TFCP2: variants seen among roughly 807,000 people sequenced by gnomAD.
TFCP2 encodes alpha-globin transcription factor CP2.
Under a neutral mutation model 73.4 loss-of-function variants are expected in TFCP2, and 33 were observed. The ratio of observed to expected loss-of-function variants is 0.45; its 90% confidence interval spans 0.34 to 0.60. The LOEUF (loss-of-function observed/expected upper bound fraction) is 0.60, where lower values mean the gene tolerates loss of function less well. Ranked by LOEUF, TFCP2 falls within the 20% of genes least tolerant of loss-of-function variation. TFCP2 has a pLI of 0.01. For missense variants in TFCP2, 352 were observed against 604.0 expected, an observed-to-expected ratio of 0.58 and a Z score of 4.37; for synonymous variants, 193 against 211.6, an observed-to-expected ratio of 0.91 and a Z score of 0.76.
intron 1 of TFCP2, among the ~76,000 whole-genome samples, chr12:51,159,605 A>T (rs1174692119): frequency 6.6e-6 from 1 of 152,014 alleles, no homozygotes; most frequent in Non-Finnish European, 1.5e-5. Context: ...GGCGTGAGCC[A>T]CCGTGCCTGG....
At chr12:51,168,328 C>T (rs1941794813) in intron 1 of TFCP2, among the ~76,000 whole-genome samples, 1 of 152,066 alleles carries the variant, frequency 6.6e-6, no homozygotes, top group Non-Finnish European at 1.5e-5. Context: ...ACTGCTTGAG[C>T]TCAGGAATTC....
chr12:51,098,293 A>T (rs1407986669), intron 13 of TFCP2, among the ~76,000 whole-genome samples: 1 of 152,198 alleles, frequency 6.6e-6, no homozygotes, highest in East Asian at 1.9e-4. Flanking sequence ...AAAAAATTTT[A>T]AGTCAACCTA....
chr12:51,099,027 C>T, intron 12 of TFCP2, 109 bp from the exon 13 acceptor site: 1 of 1,220,566 alleles, frequency 8.2e-7, no homozygotes, highest in South Asian at 1.5e-5. Context: ...AATCACACTG[C>T]CTAAGTTCAA....
At position 51,101,943 on chromosome 12, in the gene TFCP2, T is replaced by A; in HGVS notation, c.1143A>T (p.Leu381Phe). The A allele has an allele frequency of 6.2e-7, 1 of 1,607,496 alleles. No individual in the cohort carries two copies. Among genetic ancestry groups the A allele is most frequent in the Non-Finnish European group, 8.5e-7 (1 of 1,174,200 alleles). ...PADGIRLFNA[L>F]KGRMVRPRLT... The stretch of plus-strand genomic sequence containing the variant: ...TAACACTAATTACATACCGGCCTTT[T>A]AATGCATTAAAAAGTCTGATTCCAT... Residue 381 changes from leucine (L) to phenylalanine (F), a missense_variant, in exon 11 of 15, where the codon TTA becomes TTT. Leu to Phe is a conservative substitution (Grantham distance 22). This residue lies in a region of TFCP2 where 194 missense variants were observed against 256.3 expected (regional missense o/e 0.76). Coordinates refer to ENST00000257915, the MANE Select transcript of TFCP2 (RefSeq NM_005653.5).
At chr12:51,133,086 T>A (rs1468683745) in intron 1 of TFCP2, among the ~76,000 whole-genome samples, 1 of 151,462 alleles carries the variant, frequency 6.6e-6, no homozygotes, top group Non-Finnish European at 1.5e-5. Context: ...ATAGTAATGG[T>A]GAATATGCAA....
intron 3 of TFCP2, among the ~76,000 whole-genome samples, chr12:51,117,464 G>T (rs1940557537): frequency 6.6e-6 from 1 of 152,144 alleles, no homozygotes; most frequent in African/African-American, 2.4e-5. Flanking sequence ...TATTTCTGCA[G>T]CTCTGAAAAA....
intron 1 of TFCP2, among the ~76,000 whole-genome samples, chr12:51,151,371 AC>A (rs1428831211): frequency 6.6e-6 from 1 of 152,206 alleles, no homozygotes; most frequent in African/African-American, 2.4e-5. Flanking sequence ...AAACAGGTAC[AC>A]CTTGGTGAGT....
At chr12:51,096,377 T>C (rs1939966033) in intron 13 of TFCP2, among the ~76,000 whole-genome samples, 1 of 152,222 alleles carries the variant, frequency 6.6e-6, no homozygotes, top group Non-Finnish European at 1.5e-5. Context: ...ATATGTGCTC[T>C]TTCCTAAAAC....
chr12:51,099,568 C>T, intron 12 of TFCP2, 87 bp downstream of exon 12: 2 of 1,494,548 alleles, frequency 1.3e-6, no homozygotes, highest in Non-Finnish European at 9.2e-7. Context: ...ACTAAATCTG[C>T]TGTTTGATAG....
chr12:51,123,009 A>G (rs1477763246), intron 1 of TFCP2, among the ~76,000 whole-genome samples: 1 of 152,200 alleles, frequency 6.6e-6, no homozygotes, highest in East Asian at 1.9e-4. Flanking sequence ...TTCAACCTCT[A>G]TGAATGTAGG....
intron 4 of TFCP2, among the ~76,000 whole-genome samples, chr12:51,116,075 A>T (rs1164059118): frequency 1.3e-5 from 2 of 152,254 alleles, no homozygotes; most frequent in Non-Finnish European, 2.9e-5. Context: ...ACCACAACTT[A>T]AAAAACAACA....
intron 1 of TFCP2, among the ~76,000 whole-genome samples, chr12:51,169,682 C>T (rs1292394389): frequency 6.6e-6 from 1 of 152,126 alleles, no homozygotes; most frequent in African/African-American, 2.4e-5. Context: ...GAGATGGTGC[C>T]ACTGCACCCC....
At chr12:51,152,766 A>T (rs775642826) in intron 1 of TFCP2, among the ~76,000 whole-genome samples, 4 of 152,216 alleles carry the variant, frequency 2.6e-5, no homozygotes, top group Admixed American at 6.5e-5. Context: ...ACAAGTCTGA[A>T]ATTATTTTTT....
chr12:51,122,230 AAC>A (rs1439747846), intron 1 of TFCP2, among the ~76,000 whole-genome samples: 3 of 151,398 alleles, frequency 2.0e-5, no homozygotes, highest in Non-Finnish European at 2.9e-5. Flanking sequence ...GTTTTCATGA[AAC>A]AGTTTTATTT....
chr12:51,098,968 T>C (rs1171279291), intron 12 of TFCP2, 50 bp from the exon 13 acceptor site: 31 of 1,590,302 alleles, frequency 1.9e-5, no homozygotes, highest in Non-Finnish European at 2.6e-5. Flanking sequence ...TGTCCACTCT[T>C]ACAGGTAACT....
At chr12:51,118,516 C>G in intron 2 of TFCP2, 105 bp downstream of exon 2, 1 of 1,405,618 alleles carries the variant, frequency 7.1e-7, no homozygotes, top group Non-Finnish European at 9.7e-7. Context: ...GATGGCGCCA[C>G]TACACTCCAG....
chr12:51,099,431 T>C (rs557343929), intron 12 of TFCP2, among the ~76,000 whole-genome samples: 71 of 151,180 alleles, frequency 4.7e-4, no homozygotes, highest in Non-Finnish European at 6.5e-4. Flanking sequence ...TGAGTCATGA[T>C]TGTGCCACTG....
chr12:51,108,151 T>C (rs937802411), intron 6 of TFCP2, among the ~76,000 whole-genome samples: 2 of 150,808 alleles, frequency 1.3e-5, no homozygotes, highest in Non-Finnish European at 3.0e-5. Context: ...CTGGGCATGG[T>C]GGTGTGTGCC....
chr12:51,153,549 T>A (rs1033060036), intron 1 of TFCP2, among the ~76,000 whole-genome samples: 4 of 92,900 alleles, frequency 4.3e-5, no homozygotes, highest in African/African-American at 1.6e-4. Flanking sequence ...TCTGTGCCCA[T>A]TAAACAAGAA....
Sources: allele counts gnomAD v4.1 joint callset (sites outside exome capture counted in the v4.1 genomes callset), GRCh38; gene constraint gnomAD v4.1.1; regional missense constraint gnomAD v4.1.1; transcripts MANE v1.5; gene names NCBI Gene and HGNC (gene_info 2026-07-23, HGNC 2026-07-21).